Variants in KCND1 observed in about 807,000 individuals in gnomAD.
The protein encoded by KCND1 is potassium voltage-gated channel subfamily D member 1.
In KCND1, 11 loss-of-function variants were observed where a neutral mutation model predicts 31.8. That is an observed-to-expected ratio of 0.35 (90% CI 0.22 to 0.57). KCND1 has a LOEUF of 0.57. KCND1 is among the 20% of genes least tolerant of loss of function. KCND1 has a pLI of 0.85. For missense variants in KCND1, 471 were observed against 596.8 expected (o/e 0.79, Z 2.20); for synonymous variants, 234 against 248.1 (o/e 0.94, Z 0.53).
At chrX:48,965,202 G>A (rs1267450454) in intron 5 of KCND1, among the ~76,000 whole-genome samples, 3 of 107,977 alleles carry the variant, frequency 2.8e-5, no homozygotes, top group East Asian at 3.1e-4. Context: ...ACAGGTGCGC[G>A]CCACCACACC....
intron 5 of KCND1, among the ~76,000 whole-genome samples, chrX:48,965,178 A>G (rs1000248357): frequency 2.2e-3 from 235 of 106,516 alleles, no homozygotes; most frequent in Non-Finnish European, 3.5e-3. Flanking sequence ...TCAGTCTCCC[A>G]AGTAGCTGGG....
chrX:48,966,015 G>C, intron 5 of KCND1, 40 bp downstream of exon 5: 1 of 1,192,436 alleles, frequency 8.4e-7, no homozygotes, highest in African/African-American at 1.7e-5. Context: ...TAAGCTCTGA[G>C]CTTCCCCAGG....
In KCND1 at chrX:48,969,949, T is replaced by C; in HGVS notation, c.323A>G (p.Gln108Arg). Residue 108 changes from glutamine (Q) to arginine (R), a missense_variant, in exon 1 of 6, where the codon CAG becomes CGG. Gln to Arg is a conservative substitution (Grantham distance 43). This residue lies in a region of KCND1 where 212 missense variants were observed against 257.9 expected (regional missense o/e 0.82). Transcript: ENST00000218176. ...TTCGTCGAAGGCCTGGATGCACTCC[T>C]GCCGTGGGCAATGCAGCCGCCCCGT... ...YRTGRLHCPR[Q>R]ECIQAFDEEL... 1.7e-6 allele frequency: 2 copies of C among 1,211,360 alleles called. No homozygotes were observed. Among genetic ancestry groups the C allele is most frequent in the Non-Finnish European group, 2.2e-6 (2 of 895,177 alleles).
At chrX:48,963,114 T>G in intron 5 of KCND1, among the ~76,000 whole-genome samples, 1 of 98,356 alleles carries the variant, frequency 1.0e-5, no homozygotes, top group African/African-American at 3.8e-5. Flanking sequence ...CCAGCCTGGG[T>G]GACGGAATGA....
intron 5 of KCND1, among the ~76,000 whole-genome samples, 179 bp downstream of exon 5, chrX:48,965,873 CAAA>C (rs782299779): frequency 5.5e-5 from 3 of 54,242 alleles, no homozygotes; most frequent in Admixed American, 2.2e-4. Context: ...GACTCCGTCT[CAAA>C]AAAAAAAAAA....
In KCND1 at chrX:48,962,596, C is replaced by A. The variant is rs781871178; in HGVS notation, c.1929G>T (p.Lys643Asn). 28 of 1,202,811 alleles carry A rather than the reference C, an allele frequency of 2.3e-5. No homozygotes were observed. The highest frequency in any genetic ancestry group is 4.5e-6 in the Non-Finnish European group (4 of 890,402). ...GGCCTACCCCTCACAGGGATGAGAT[C>A]TTGACAGTCTCGGGGAAGAGGCAAG... ...GTPCLFPETVKISSL is the reference protein window; with the variant it reads ...GTPCLFPETVNISSL Residue 643 changes from lysine to asparagine, a missense_variant, in exon 6 of 6, where the codon AAG (lysine) becomes AAT (asparagine). Lys to Asn is a moderately conservative substitution (Grantham distance 94). Around this residue, in one of 3 missense-constraint regions of KCND1, gnomAD observed 185 missense variants for 184.7 expected, o/e 1.00. Coordinates refer to ENST00000218176, the MANE Select transcript of KCND1 (RefSeq NM_004979.6).
chrX:48,971,100 A>C lies in KCND1; in HGVS notation c.-829T>G, dbSNP rs1486008912. The stretch of plus-strand genomic sequence containing the variant: ...GGGAAGGGGTTATCTAAAGGGGTAG[A>C]CAGGGGGCTGGGTTATTTTTTGAGA... On this transcript the variant is annotated 5_prime_UTR_variant, in exon 1 of 6. Coordinates refer to ENST00000218176, the MANE Select transcript of KCND1 (RefSeq NM_004979.6). 2.8e-5 allele frequency: 3 copies of C among 107,469 alleles called. No individual in the cohort carries two copies. Among genetic ancestry groups the C allele is most frequent in the Non-Finnish European group, 5.8e-5 (3 of 51,966 alleles). The allele number at this position is 107,469 out of a possible 1,213,427, so 8.9% of individuals were successfully genotyped here. A position where few individuals can be genotyped will look rare whatever the true frequency, so the allele number is the denominator to read the frequency against.
chrX:48,964,027 C>T (rs782053968), intron 5 of KCND1, among the ~76,000 whole-genome samples: 2 of 112,381 alleles, frequency 1.8e-5, no homozygotes, highest in East Asian at 2.8e-4. Flanking sequence ...CACTCCTTTG[C>T]CTCCTTCAGG....
chrX:48,963,138 C>CAA (rs1318796444), intron 5 of KCND1, among the ~76,000 whole-genome samples: 1 of 48,220 alleles, frequency 2.1e-5, no homozygotes, highest in Non-Finnish European at 4.0e-5. Context: ...TCTGTCTCAA[C>CAA]AAAAAAAAAA....
rs868932988 is a variant in KCND1 at position 48,967,441 on chromosome X, C to T, written c.1122-335G>A. ...GAGAGTCCCAGCACCACAGGCCAGC[C>T]GAAGGGCTTCAAGTCCCGGGAGGAG... On this transcript the variant is annotated intron_variant, in intron 1 of 5. Coordinates refer to ENST00000218176, the MANE Select transcript of KCND1 (RefSeq NM_004979.6). 1.4e-4 allele frequency: 31 copies of T among 218,429 alleles called. No individual in the cohort carries two copies. The Middle Eastern group carries it at 0.014, about 101-fold the overall frequency. 18.0% of individuals were successfully genotyped at this position (218,429 alleles called of 1,213,427 possible). A position where few individuals can be genotyped will look rare whatever the true frequency, so the allele number is the denominator to read the frequency against.
At position 48,969,708 on chromosome X, in the gene KCND1, G is replaced by C; in HGVS notation, c.564C>G (p.Phe188Leu). ...CGATGAAGAAGCCGGTCACATAGTA[G>C]AAAACGAGGGCTGCGGTGCTCGTGT... ...NPHTSTAALV[F>L]YYVTGFFIAV... Residue 188 changes from phenylalanine (F) to leucine (L), a missense_variant, in exon 1 of 6, where the codon TTC (phenylalanine) becomes TTG (leucine). By Grantham distance (22) the Phe-to-Leu change is conservative. Coordinates refer to ENST00000218176, the MANE Select transcript of KCND1 (RefSeq NM_004979.6). The C allele has an allele frequency of 8.3e-7, 1 of 1,208,933 alleles. No individual in the cohort carries two copies.
chrX:48,967,057 T>A lies in KCND1; in HGVS notation c.1171A>T (p.Ile391Phe). The change falls in exon 2 of 6, where the codon ATC becomes TTC. Residue 391 changes from isoleucine (I) to phenylalanine (F), a missense_variant. By Grantham distance (21) the Ile-to-Phe change is conservative (BLOSUM62 0). Coordinates refer to ENST00000218176, the MANE Select transcript of KCND1 (RefSeq NM_004979.6). ...STIAGKIFGS[I>F]CSLSGVLVIA... The stretch of plus-strand genomic sequence containing the variant: ...ACCAAGACGCCACTGAGTGAGCAGA[T>A]GGACCCGAAAATCTTGCCAGCAATG... The A allele has an allele frequency of 8.3e-7, 1 of 1,210,511 alleles. No individual in the cohort carries two copies. Among genetic ancestry groups the A allele is most frequent in the South Asian group, 1.8e-5 (1 of 56,914 alleles).
At chrX:48,967,246 C>T (rs1322488379) in intron 1 of KCND1, 140 bp from the exon 2 acceptor site, 4 of 507,837 alleles carry the variant, frequency 7.9e-6, no homozygotes, top group Non-Finnish European at 1.3e-5. Context: ...GTTTCTTGCT[C>T]TGTAAAATGC....
rs200288451 is a variant in KCND1, at chrX:48,969,459, G to A, written c.813C>T (p.Ala271=). Residue 271 remains alanine (A), a synonymous_variant, in exon 1 of 6, where the codon GCC becomes GCT. Transcript: ENST00000218176. ...RSVMSLIDVV[A]ILPYYIGLLV... ...AAAGCCCAATGTAGTAGGGCAGGAT[G>A]GCCACCACGTCGATGAGGCTCATGA... The A allele has an allele frequency of 1.7e-6, 2 of 1,209,968 alleles. No individual in the cohort carries two copies. The highest frequency in any genetic ancestry group is 3.0e-5 in the East Asian group (1 of 33,761).
chrX:48,970,475 G>T lies in KCND1; in HGVS notation c.-204C>A. The T allele has an allele frequency of 2.4e-6, 1 of 418,711 alleles. No homozygotes were observed. Among genetic ancestry groups the T allele is most frequent in the East Asian group, 4.0e-5 (1 of 25,148 alleles). 34.5% of individuals were successfully genotyped at this position (418,711 alleles called of 1,213,427 possible). ...GGGACATTTACAGAACCTAGGAGGG[G>T]CCTGGGCAATGTTCTGAGGGACTGA... On this transcript the variant is annotated 5_prime_UTR_variant, in exon 1 of 6. Coordinates refer to ENST00000218176, the MANE Select transcript of KCND1 (RefSeq NM_004979.6).
chrX:48,962,443 T>G lies in KCND1; in HGVS notation c.*138A>C. ...CTTCCCCACTATGTGGACCATTTCA[T>G]GAAACTCCATTGCATAGTTCTCAGT... is the stretch of plus-strand genomic sequence containing the variant. On this transcript the variant is annotated 3_prime_UTR_variant, in exon 6 of 6. Coordinates refer to ENST00000218176, the MANE Select transcript of KCND1 (RefSeq NM_004979.6). The G allele has an allele frequency of 2.2e-6, 1 of 461,608 alleles. No individual in the cohort carries two copies. Among genetic ancestry groups the G allele is most frequent in the Non-Finnish European group, 3.8e-6 (1 of 264,674 alleles). The allele number at this position is 461,608 out of a possible 1,213,427, so 38.0% of individuals were successfully genotyped here.
chrX:48,969,863 G>C lies in KCND1; in HGVS notation c.409C>G (p.Arg137Gly). The C allele has an allele frequency of 8.3e-7, 1 of 1,211,226 alleles. No homozygotes were observed. The highest frequency in any genetic ancestry group is 1.1e-6 in the Non-Finnish European group (1 of 895,239). ...LVGDCCLEEY[R>G]DRKKENAERL... ...TCGGCATTCTCCTTCTTTCGGTCCC[G>C]ATACTCTTCAAGGCAGCAGTCACCG... Residue 137 changes from arginine to glycine, a missense_variant, in exon 1 of 6, where the codon CGG (arginine) becomes GGG (glycine). Transcript: ENST00000218176.
In KCND1 at chrX:48,966,155, G is replaced by A; in HGVS notation, c.1618C>T (p.Arg540Cys). 8.3e-7 allele frequency: 1 copy of A among 1,210,520 alleles called. No homozygotes were observed. The highest frequency in any genetic ancestry group is 1.1e-6 in the Non-Finnish European group (1 of 895,364). Residue 540 changes from arginine (R) to cysteine (C), a missense_variant, in exon 5 of 6, where the codon CGC (arginine) becomes TGC (cysteine). Arg to Cys is a radical substitution (Grantham distance 180). Coordinates refer to ENST00000218176, the MANE Select transcript of KCND1 (RefSeq NM_004979.6). ...GTGGAGTTGGCAAGGCGGATGGCGC[G>A]GCGCTTGGCCCTGCGAGGGCAGCAA... The part of the protein sequence containing the change: ...SSCCPRRAKR[R>C]AIRLANSTAS...
intron 1 of KCND1, 65 bp downstream of exon 1, chrX:48,969,086 A>G: frequency 9.4e-7 from 1 of 1,063,104 alleles, no homozygotes; most frequent in South Asian, 2.1e-5. Context: ...ATTCCTTTAA[A>G]CTTCCTAATT....
Sources: gnomAD v4.1 joint callset for allele counts (sites outside exome capture counted in the v4.1 genomes callset) on GRCh38, gnomAD v4.1.1 for gene constraint, gnomAD v4.1.1 regional missense constraint, MANE v1.5 for transcripts, NCBI Gene and HGNC (gene_info 2026-07-23, HGNC 2026-07-21) for gene names.